TBC1D28: variants seen among roughly 807,000 people sequenced by gnomAD.
The protein encoded by TBC1D28 is TBC1 domain family, member 28.
TBC1D28 carries 20 observed loss-of-function variants against 29.2 expected under a neutral mutation model. That is an observed-to-expected ratio of 0.68 (90% CI 0.48 to 0.99). The LOEUF (loss-of-function observed/expected upper bound fraction) is 0.99. Among genes scored for constraint, TBC1D28 ranks in the 50% least tolerant of loss-of-function variants. The probability of loss-of-function intolerance (pLI) is 0.00; values close to 1 mark genes in which losing one functional copy is unlikely to be tolerated. For synonymous variants in TBC1D28, 65 were observed against 90.9 expected (o/e 0.71, Z 1.62); for missense variants, 205 against 243.7 (o/e 0.84, Z 1.06).
downstream of TBC1D28, among the ~76,000 whole-genome samples, chr17:18,634,441 G>A (rs1177063642): frequency 2.0e-5 from 3 of 151,784 alleles, no homozygotes; most frequent in African/African-American, 7.3e-5. Flanking sequence ...ACATTTCAAA[G>A]TAAATTATTT....
intron 4 of TBC1D28, among the ~76,000 whole-genome samples, chr17:18,639,894 G>T (rs540831413): frequency 1.9e-5 from 2 of 102,644 alleles, no homozygotes; most frequent in Non-Finnish European, 3.8e-5. Flanking sequence ...CCACACCCAC[G>T]CCTTGGCCAC....
At chr17:18,638,785 C>A in intron 5 of TBC1D28, 84 bp from the exon 7 acceptor site, 2 of 1,583,546 alleles carry the variant, frequency 1.3e-6, no homozygotes, top group Non-Finnish European at 1.7e-6. Flanking sequence ...GGCTTTGGGG[C>A]CCTGAAGGGA....
At chr17:18,636,946 C>T (rs2031528774) in intron 8 of TBC1D28, among the ~76,000 whole-genome samples, 1 of 97,018 alleles carries the variant, frequency 1.0e-5, no homozygotes, top group South Asian at 3.2e-4. Context: ...ACTGCAGCCC[C>T]TCCCAGAGCG....
At chr17:18,636,555 A>G (rs2031507493) in exon 9 of TBC1D28, 1 of 1,614,062 alleles carries the variant, frequency 6.2e-7, no homozygotes, top group East Asian at 2.2e-5. Flanking sequence ...TCACAGGGTT[A>G]TATGCAGAAT....
exon 9 of TBC1D28, chr17:18,636,278 A>G: frequency 7.2e-7 from 1 of 1,394,646 alleles, no homozygotes; most frequent in Non-Finnish European, 9.3e-7. Flanking sequence ...TACAAGGACC[A>G]TCCTGTGTGG....
chr17:18,644,326 A>C (rs1232250153), upstream of TBC1D28: 3 of 152,020 alleles, frequency 2.0e-5, no homozygotes, highest in Non-Finnish European at 4.4e-5. Flanking sequence ...CTCACTTAGC[A>C]AAACTTCCTT....
chr17:18,637,813 T>C, intron 8 of TBC1D28, 51 bp downstream of exon 9: 1 of 1,613,054 alleles, frequency 6.2e-7, no homozygotes, highest in Non-Finnish European at 8.5e-7. Context: ...ACCTCATTCC[T>C]CTGGATTGCC....
In TBC1D28 at chr17:18,638,301, G is replaced by A; in HGVS notation, c.387+12C>T. On this transcript the variant is annotated intron_variant, in intron 7 of 8. Transcript: ENST00000345096. ...GTTTGTACTGCCCTAGCTGAGTGTG[G>A]GAGGGACTTACCTTATATTTGCCTG... The A allele has an allele frequency of 6.2e-7, 1 of 1,613,510 alleles. No individual in the cohort carries two copies. Among genetic ancestry groups the A allele is most frequent in the Non-Finnish European group, 8.5e-7 (1 of 1,179,456 alleles).
At chr17:18,642,380 C>T (rs1439561301) in exon 1 of TBC1D28, 1 of 152,168 alleles carries the variant, frequency 6.6e-6, no homozygotes, top group East Asian at 1.9e-4. Context: ...ACCCCACCCA[C>T]AGGGGCTCTG....
intron 4 of TBC1D28, 76 bp from the exon 6 acceptor site, chr17:18,639,290 A>T: frequency 6.3e-7 from 1 of 1,584,452 alleles, no homozygotes; most frequent in African/African-American, 1.4e-5. Context: ...GGCCCCAGGG[A>T]AGGACCAGCC....
intron 5 of TBC1D28, 175 bp from the exon 7 acceptor site, chr17:18,638,876 G>C (rs1597482223): frequency 2.6e-5 from 23 of 879,854 alleles, no homozygotes; most frequent in Non-Finnish European, 4.0e-5. Flanking sequence ...GTCTGGACTG[G>C]TGATGCCAGG....
chr17:18,636,533 G>T, exon 9 of TBC1D28: 2 of 1,613,926 alleles, frequency 1.2e-6, no homozygotes, highest in South Asian at 1.1e-5. Flanking sequence ...GAATATCGCT[G>T]CCCGGGAATA....
chr17:18,636,535 C>G (rs1391388563), exon 9 of TBC1D28: 6 of 1,613,706 alleles, frequency 3.7e-6, no homozygotes, highest in Non-Finnish European at 5.1e-6. Context: ...ATATCGCTGC[C>G]CGGGAATACT....
At chr17:18,640,369 C>T (rs1189302701) in intron 4 of TBC1D28, among the ~76,000 whole-genome samples, 2 of 144,158 alleles carry the variant, frequency 1.4e-5, no homozygotes, top group Non-Finnish European at 3.0e-5. Flanking sequence ...CTCCCCCAGG[C>T]TCCTCCCTCT....
At chr17:18,636,329 G>A in exon 9 of TBC1D28, 1 of 1,482,942 alleles carries the variant, frequency 6.7e-7, no homozygotes, top group Non-Finnish European at 8.9e-7. Flanking sequence ...ACACCAGGAG[G>A]GGAAGGTCAT....
At chr17:18,638,399 C>T (rs373934172) in exon 7 of TBC1D28, 13 of 1,614,062 alleles carry the variant, frequency 8.1e-6, no homozygotes, top group East Asian at 2.2e-5. Context: ...AGGGGAATGA[C>T]TTTGCATACT....
At chr17:18,638,111 T>G in intron 7 of TBC1D28, 138 bp from the exon 9 acceptor site, 3 of 1,480,036 alleles carry the variant, frequency 2.0e-6, no homozygotes, top group Non-Finnish European at 2.8e-6. Flanking sequence ...AAGCTCCTTT[T>G]TGCCTTGTTT....
exon 9 of TBC1D28, chr17:18,635,209 C>G (rs1234894398): frequency 1.3e-5 from 2 of 152,974 alleles, no homozygotes; most frequent in African/African-American, 4.8e-5. Flanking sequence ...GAGTCCCGGG[C>G]GGGGGCACCA....
downstream of TBC1D28, chr17:18,634,878 T>TCAGCCCCG (rs2031417193): frequency 6.2e-6 from 1 of 161,562 alleles, no homozygotes; most frequent in African/African-American, 2.6e-5. Flanking sequence ...CCTCAGCCCC[T>TCAGCCCCG]CAGCCCCTCA....
Sources: gnomAD v4.1 joint callset for allele counts (sites outside exome capture counted in the v4.1 genomes callset) on GRCh38, gnomAD v4.1.1 for gene constraint, MANE v1.5 for transcripts, NCBI Gene and HGNC (gene_info 2026-07-23, HGNC 2026-07-21) for gene names.